MAPK10: variants seen among roughly 807,000 people sequenced by gnomAD.
MAPK10 encodes mitogen-activated protein kinase 10.
In MAPK10, 25 loss-of-function variants were observed where a neutral mutation model predicts 59.3. That is an observed-to-expected ratio of 0.42 (90% CI 0.31 to 0.59). The LOEUF is 0.59. Ranked by LOEUF, MAPK10 falls within the 20% of genes least tolerant of loss-of-function variation. The pLI is 0.15. For missense variants in MAPK10, 351 were observed against 568.9 expected, an observed-to-expected ratio of 0.62 and a Z score of 3.90; for synonymous variants, 190 against 200.5, an observed-to-expected ratio of 0.95 and a Z score of 0.44.
chr4:86,349,880 T>C lies in MAPK10; in HGVS notation c.-7+4650A>G, dbSNP rs1286342935. On this transcript the variant is annotated intron_variant, in intron 2 of 13. Transcript: ENST00000641462. ...AAACGTCTTAAAGGATGGAAAGGAG[T>C]AAGTAAGGGCTGTGCAGAGTGAATA... is the stretch of plus-strand genomic sequence containing the variant. 2.7e-5 allele frequency among the ~76,000 whole-genome samples: 4 copies of C among 148,084 alleles called. No homozygotes were observed. In the Admixed American group the frequency reaches 2.7e-4, roughly 10 times the overall value.
chr4:86,408,729 C>A (rs1231087646), intron 1 of MAPK10, among the ~76,000 whole-genome samples: 1 of 152,102 alleles, frequency 6.6e-6, no homozygotes, highest in East Asian at 1.9e-4. Context: ...ATATCGTTTC[C>A]CCACTTTTTG....
chr4:86,114,714 A>G (rs1441740311), intron 4 of MAPK10, among the ~76,000 whole-genome samples: 1 of 152,204 alleles, frequency 6.6e-6, no homozygotes, highest in Non-Finnish European at 1.5e-5. Context: ...TTGGCTGAGC[A>G]GGTTGGGCTG....
chr4:86,266,612 T>C (rs1214754845), intron 2 of MAPK10, among the ~76,000 whole-genome samples: 1 of 152,160 alleles, frequency 6.6e-6, no homozygotes, highest in Non-Finnish European at 1.5e-5. Flanking sequence ...ATTCAAATCA[T>C]GTAAAAATAA....
intron 4 of MAPK10, among the ~76,000 whole-genome samples, chr4:86,133,015 C>G (rs2061289553): frequency 6.6e-6 from 1 of 152,222 alleles, no homozygotes; most frequent in African/African-American, 2.4e-5. Context: ...AAACTGTCTT[C>G]CACGAAATCG....
intron 1 of MAPK10, among the ~76,000 whole-genome samples, chr4:86,395,974 G>A (rs572192125): frequency 2.0e-4 from 30 of 152,278 alleles, no homozygotes; most frequent in Middle Eastern, 3.4e-3. Flanking sequence ...ACAAGCATTC[G>A]GTTTGTACCA....
intron 2 of MAPK10, among the ~76,000 whole-genome samples, chr4:86,228,067 G>C (rs774993027): frequency 6.6e-6 from 1 of 152,172 alleles, no homozygotes; most frequent in Non-Finnish European, 1.5e-5. Flanking sequence ...GAATGAGAAA[G>C]GCAGGGTAGG....
At chr4:86,398,947 T>C (rs1466391176) in intron 1 of MAPK10, among the ~76,000 whole-genome samples, 1 of 152,234 alleles carries the variant, frequency 6.6e-6, no homozygotes, top group Non-Finnish European at 1.5e-5. Context: ...TTGTTCTTTT[T>C]TATGGCTACA....
chr4:86,432,492 T>C (rs986911394), intron 1 of MAPK10, among the ~76,000 whole-genome samples: 4 of 152,108 alleles, frequency 2.6e-5, no homozygotes, highest in African/African-American at 9.7e-5. Context: ...GTTGGCTACG[T>C]TGGTCTCAAA....
intron 11 of MAPK10, among the ~76,000 whole-genome samples, chr4:86,036,774 C>T (rs1009215571): frequency 6.6e-6 from 1 of 152,126 alleles, no homozygotes; most frequent in African/African-American, 2.4e-5. Context: ...AAAATAGTTC[C>T]ATTTTATGCT....
At chr4:86,032,117 C>G (rs576030444) in intron 11 of MAPK10, 6 of 152,286 alleles carry the variant, frequency 3.9e-5, no homozygotes, top group Non-Finnish European at 8.8e-5. Context: ...TTAGTCCTCT[C>G]TAGCAGAAAT....
At chr4:86,288,904 G>A (rs529296890) in intron 2 of MAPK10, among the ~76,000 whole-genome samples, 2 of 146,852 alleles carry the variant, frequency 1.4e-5, no homozygotes, top group East Asian at 4.0e-4. Context: ...GAAACAGGAT[G>A]AATATAGCAG....
chr4:86,023,948 G>C (rs988650270), intron 13 of MAPK10: 5 of 148,348 alleles, frequency 3.4e-5, no homozygotes, highest in Non-Finnish European at 7.5e-5. Context: ...AAAATAACTG[G>C]TTTTATGAGA....
intron 2 of MAPK10, among the ~76,000 whole-genome samples, chr4:86,270,343 G>C (rs1203905696): frequency 6.6e-6 from 1 of 151,628 alleles, no homozygotes; most frequent in African/African-American, 2.4e-5. Context: ...AAACAGTGAA[G>C]AAATATGAGC....
At chr4:86,094,924 A>G (rs1378965302) in intron 9 of MAPK10, among the ~76,000 whole-genome samples, 1 of 151,918 alleles carries the variant, frequency 6.6e-6, no homozygotes, top group Non-Finnish European at 1.5e-5. Flanking sequence ...ACATATTTAA[A>G]TATGAATGTG....
At chr4:86,168,896 C>T (rs1382456111) in intron 3 of MAPK10, among the ~76,000 whole-genome samples, 5 of 152,090 alleles carry the variant, frequency 3.3e-5, no homozygotes, top group African/African-American at 4.8e-5. Context: ...CAGCAGCATT[C>T]GCGGTTCACA....
intron 1 of MAPK10, among the ~76,000 whole-genome samples, chr4:86,527,312 C>CAAAAAAAAAAAAAAA (rs57390422): frequency 0.016 from 252 of 16,196 alleles, 49 homozygotes; most frequent in Non-Finnish European, 0.03. Context: ...ACACTGTTGC[C>CAAAAAAAAAAAAAAA]AAAAAAAAAA....
chr4:86,501,961 G>C (rs188744758), intron 1 of MAPK10, among the ~76,000 whole-genome samples: 21 of 152,138 alleles, frequency 1.4e-4, no homozygotes, highest in Non-Finnish European at 2.2e-4. Flanking sequence ...TGAAAGTAAA[G>C]ACTATTATGG....
chr4:86,246,295 GTGGTGGGTACC>G (rs2093081180), intron 2 of MAPK10, among the ~76,000 whole-genome samples: 1 of 152,012 alleles, frequency 6.6e-6, no homozygotes, highest in African/African-American at 2.4e-5. Flanking sequence ...GCCAGGCATG[GTGGTGGGTACC>G]TGTGGTCCCA....
intron 9 of MAPK10, among the ~76,000 whole-genome samples, chr4:86,079,219 A>G (rs1022222588): frequency 6.6e-6 from 1 of 152,172 alleles, no homozygotes; most frequent in Non-Finnish European, 1.5e-5. Context: ...GTAAAAGGCT[A>G]TTTGTACACT....
Sources: allele counts gnomAD v4.1 joint callset (sites outside exome capture counted in the v4.1 genomes callset), GRCh38; gene constraint gnomAD v4.1.1; transcripts MANE v1.5; gene names NCBI Gene and HGNC (gene_info 2026-07-23, HGNC 2026-07-21).